Variants in EPB41 observed in about 807,000 individuals in gnomAD.
EPB41 encodes erythrocyte membrane protein band 4.1.
In EPB41, 65 loss-of-function variants were observed where a neutral mutation model predicts 108.0. The observed-to-expected ratio is 0.60, with a 90% confidence interval of 0.49 to 0.74. The LOEUF is 0.74. Ranked by LOEUF, EPB41 falls within the 30% of genes least tolerant of loss-of-function variation. EPB41 has a pLI of 0.00. For missense variants in EPB41, 875 were observed against 1,037.0 expected (o/e 0.84, Z 2.15); for synonymous variants, 336 against 358.9 (o/e 0.94, Z 0.72).
intron 17 of EPB41, among the ~76,000 whole-genome samples, chr1:29,108,975 G>A (rs1668226040): frequency 3.3e-5 from 5 of 151,504 alleles, no homozygotes; most frequent in Admixed American, 2.6e-4. Flanking sequence ...GAGGCAGGCG[G>A]ATCACCTGAG....
chr1:28,960,736 A>G (rs1057500473), intron 1 of EPB41, among the ~76,000 whole-genome samples: 1 of 150,956 alleles, frequency 6.6e-6, no homozygotes, highest in Non-Finnish European at 1.5e-5. Flanking sequence ...AAAAAAATTT[A>G]AAAAAAGAAG....
At chr1:29,036,931 C>T (rs779740863) in intron 10 of EPB41, among the ~76,000 whole-genome samples, 1 of 151,386 alleles carries the variant, frequency 6.6e-6, no homozygotes. Context: ...CTGCCCACCT[C>T]GGCCTCCCAA....
chr1:29,070,988 A>G (rs1054516897), intron 16 of EPB41: 1 of 167,034 alleles, frequency 6.0e-6, no homozygotes, highest in Non-Finnish European at 1.3e-5. Flanking sequence ...CTCTCTAGAT[A>G]CATTTGATGG....
At chr1:28,973,551 G>A (rs1571720526) in intron 1 of EPB41, among the ~76,000 whole-genome samples, 1 of 151,864 alleles carries the variant, frequency 6.6e-6, no homozygotes, top group Admixed American at 6.6e-5. Flanking sequence ...CACCATGCCC[G>A]GCTACTTTTT....
Position 29,018,081 on chromosome 1 carries a change from C to T in EPB41, c.906-143C>T. 1.4e-6 allele frequency: 1 copy of T among 718,304 alleles called. No individual in the cohort carries two copies. The highest frequency in any genetic ancestry group is 2.4e-5 in the Admixed American group (1 of 42,220). The allele number at this position is 718,304 out of a possible 1,614,324, so 44.5% of individuals were successfully genotyped here. A position where few individuals can be genotyped will look rare whatever the true frequency, so the allele number is the denominator to read the frequency against. ...ACCTAGATTGAAGTTATTATTATCTCATATTTACTTAATTGCTTTCTTTTC... is the reference window on the plus strand; with the variant it reads ...ACCTAGATTGAAGTTATTATTATCTTATATTTACTTAATTGCTTTCTTTTC... On this transcript the variant is annotated intron_variant, in intron 6 of 20. Coordinates refer to ENST00000343067, the MANE Select transcript of EPB41 (RefSeq NM_001376013.1). The surrounding 1 kb of genome is among the most constrained non-coding windows in gnomAD (Gnocchi z 4.4).
intron 16 of EPB41, among the ~76,000 whole-genome samples, chr1:29,084,477 T>C (rs1657988371): frequency 6.6e-6 from 1 of 152,196 alleles, no homozygotes; most frequent in African/African-American, 2.4e-5. Flanking sequence ...AAAACAATGG[T>C]ATAGCTTAAC....
chr1:28,905,235 G>C (rs574153413), intron 1 of EPB41, among the ~76,000 whole-genome samples: 2 of 151,850 alleles, frequency 1.3e-5, no homozygotes, highest in African/African-American at 4.8e-5. Flanking sequence ...AGTGGCTCAT[G>C]TCTGGAATCC....
chr1:28,904,588 T>C (rs937703623), intron 1 of EPB41, among the ~76,000 whole-genome samples: 5 of 152,068 alleles, frequency 3.3e-5, no homozygotes, highest in Admixed American at 1.3e-4. Context: ...CATGACAGTA[T>C]TAGTGCCCTT....
chr1:28,928,870 G>A (rs1347388325), intron 1 of EPB41, among the ~76,000 whole-genome samples: 1 of 152,116 alleles, frequency 6.6e-6, no homozygotes, highest in Admixed American at 6.6e-5. Context: ...CCTTGGGTTT[G>A]TTTCTAAGGA....
At chr1:28,944,775 T>A (rs1231088190) in intron 1 of EPB41, among the ~76,000 whole-genome samples, 2 of 151,324 alleles carry the variant, frequency 1.3e-5, no homozygotes, top group Non-Finnish European at 2.9e-5. Flanking sequence ...CCTGAAGTGA[T>A]CCACCTGCCT....
At chr1:29,098,228 T>C (rs891731893) in intron 17 of EPB41, among the ~76,000 whole-genome samples, 24 of 152,080 alleles carry the variant, frequency 1.6e-4, no homozygotes, top group African/African-American at 5.6e-4. Flanking sequence ...AGAGTCTCGC[T>C]CTGTCGCCCA....
intron 1 of EPB41, among the ~76,000 whole-genome samples, chr1:28,962,983 T>TA (rs2095261959): frequency 6.6e-6 from 1 of 152,148 alleles, no homozygotes; most frequent in East Asian, 1.9e-4. Context: ...ACATTTATAT[T>TA]TTTTCTTTTA....
Position 28,890,870 on chromosome 1 carries a change from G to A in EPB41, c.-8+3660G>A, listed in dbSNP as rs139183282. ...TAAGAGTGGGAGCCTCCACCCCACG[G>A]GTACTGAGGTGCCCACATTGCTCAG... On this transcript the variant is annotated intron_variant, in intron 1 of 16. Transcript: ENST00000347529. 8.4e-4 allele frequency: 818 copies of A among 969,800 alleles called. 7 individuals carry two copies. The African/African-American group carries it at 0.014, about 16-fold the overall frequency. The allele number at this position is 969,800 out of a possible 1,614,324, so 60.1% of individuals were successfully genotyped here.
Position 29,083,336 on chromosome 1 carries a change from T to C in EPB41, c.2185-14471T>C, listed in dbSNP as rs138381307. The stretch of plus-strand genomic sequence containing the variant: ...ACTCTGTTGTTAGTTTATCCCCATC[T>C]TGAGTGCTTGTGATTCTAATGTCCT... On this transcript the variant is annotated intron_variant, in intron 16 of 20. Transcript: ENST00000343067. Among the ~76,000 whole-genome samples the C allele has an allele frequency of 4.5e-3, 685 of 152,344 alleles. 3 individuals are homozygous for C. The highest frequency in any genetic ancestry group is 0.016 in the African/African-American group (648 of 41,582).
At chr1:29,033,440 T>C (rs992758589) in intron 9 of EPB41, among the ~76,000 whole-genome samples, 195 bp downstream of exon 9, 1 of 152,192 alleles carries the variant, frequency 6.6e-6, no homozygotes, top group Non-Finnish European at 1.5e-5. Flanking sequence ...TCTGGACATT[T>C]CACTTTTTGT....
rs537450644 is a variant in EPB41, at chr1:29,080,920, A to G, written c.2184+15762A>G. On this transcript the variant is annotated intron_variant, in intron 16 of 20. Transcript: ENST00000343067. ...TATGAATAAATCTTATTTATTGCAA[A>G]TGTGATTCTGGTTGCTACTAATCAT... 1.3e-4 allele frequency among the ~76,000 whole-genome samples: 20 copies of G among 152,274 alleles called. 1 individual carries two copies. The South Asian group carries it at 3.5e-3, about 27-fold the overall frequency.
At chr1:29,074,955 G>C (rs1428022419) in intron 16 of EPB41, among the ~76,000 whole-genome samples, 1 of 151,996 alleles carries the variant, frequency 6.6e-6, no homozygotes, top group African/African-American at 2.4e-5. Flanking sequence ...TCAGGAGATC[G>C]AGACCATCCT....
intron 1 of EPB41, among the ~76,000 whole-genome samples, chr1:28,964,631 T>TAAATA (rs1557839545): frequency 3.7e-4 from 56 of 149,888 alleles, no homozygotes; most frequent in African/African-American, 1.3e-3. Context: ...ATAAATAAAA[T>TAAATA]AAATAAATAA....
At chr1:29,098,549 T>C (rs1664075952) in intron 17 of EPB41, among the ~76,000 whole-genome samples, 1 of 152,064 alleles carries the variant, frequency 6.6e-6, no homozygotes, top group South Asian at 2.1e-4. Context: ...ATCCACCCAA[T>C]TCATTTGCAT....
Sources: gnomAD v4.1 joint callset for allele counts (sites outside exome capture counted in the v4.1 genomes callset) on GRCh38, gnomAD v4.1.1 for gene constraint, Gnocchi (gnomAD v3.1) non-coding constraint, MANE v1.5 for transcripts, NCBI Gene and HGNC (gene_info 2026-07-23, HGNC 2026-07-21) for gene names.